The following NRXN3 variants were observed in gnomAD, a reference collection of about 807,000 sequenced individuals.
NRXN3 encodes the protein neurexin III.
NRXN3 carries 32 observed loss-of-function variants against 137.6 expected under a neutral mutation model. The ratio of observed to expected loss-of-function variants is 0.23; its 90% CI spans 0.18 to 0.31. NRXN3 has a LOEUF of 0.31. NRXN3 is among the 10% of genes least tolerant of loss of function. The probability of loss-of-function intolerance (pLI) is 1.00; values close to 1 mark genes in which losing one functional copy is unlikely to be tolerated. For missense variants in NRXN3, 1,574 were observed against 2,062.5 expected (o/e 0.76, Z 4.59); for synonymous variants, 798 against 784.5 (o/e 1.02, Z -0.29).
At chr14:78,340,047 G>A (rs186913872) in intron 4 of NRXN3, among the ~76,000 whole-genome samples, 1 of 152,302 alleles carries the variant, frequency 6.6e-6, no homozygotes, top group East Asian at 1.9e-4. Context: ...AAAAAAGAAA[G>A]CTGTTCATGG....
chr14:78,228,331 AT>A (rs1324950056), intron 1 of NRXN3, among the ~76,000 whole-genome samples: 2 of 151,860 alleles, frequency 1.3e-5, no homozygotes, highest in Non-Finnish European at 2.9e-5. Flanking sequence ...TAATTTTGGC[AT>A]TTTTACTAGA....
intron 6 of NRXN3, among the ~76,000 whole-genome samples, chr14:78,705,732 A>G (rs547677587): frequency 6.6e-6 from 1 of 152,354 alleles, no homozygotes; most frequent in Admixed American, 6.5e-5. Context: ...AATAAATAAA[A>G]TGGGACTCAG....
chr14:78,375,467 G>GTCAGTGTTCTGAT (rs564509882), intron 4 of NRXN3, among the ~76,000 whole-genome samples: 54 of 152,266 alleles, frequency 3.5e-4, no homozygotes, highest in Middle Eastern at 3.4e-3. Context: ...TTTCTAGTTT[G>GTCAGTGTTCTGAT]TCAGTGTTCT....
chr14:78,737,135 A>G (rs1053224106), intron 8 of NRXN3, among the ~76,000 whole-genome samples: 2 of 152,124 alleles, frequency 1.3e-5, no homozygotes, highest in African/African-American at 4.8e-5. Context: ...TGTTTCTTTT[A>G]TCTGCTTGTC....
chr14:78,387,280 T>A (rs536446370), intron 4 of NRXN3, among the ~76,000 whole-genome samples: 1 of 152,226 alleles, frequency 6.6e-6, no homozygotes, highest in African/African-American at 2.4e-5. Context: ...CCAAAGTATT[T>A]GATTTTTTTG....
intron 1 of NRXN3, among the ~76,000 whole-genome samples, chr14:78,207,337 T>A (rs926100919): frequency 1.3e-5 from 2 of 152,176 alleles, no homozygotes; most frequent in African/African-American, 2.4e-5. Context: ...CACTCTACCT[T>A]TTCTCTCTGT....
At chr14:79,755,531 G>GGT (rs1568129488) in intron 19 of NRXN3, among the ~76,000 whole-genome samples, 83 of 145,926 alleles carry the variant, frequency 5.7e-4, no homozygotes, top group African/African-American at 2.2e-3. Flanking sequence ...AAATACCGAA[G>GGT]ATTTTTTTTT....
chr14:79,431,942 T>TAA (rs2095763130), intron 15 of NRXN3, among the ~76,000 whole-genome samples: 2 of 152,298 alleles, frequency 1.3e-5, no homozygotes, highest in African/African-American at 4.8e-5. Context: ...AGCTTAATAA[T>TAA]GGTATCCTTG....
At chr14:78,789,103 A>G (rs2098797839) in intron 8 of NRXN3, among the ~76,000 whole-genome samples, 1 of 152,222 alleles carries the variant, frequency 6.6e-6, no homozygotes, top group South Asian at 2.1e-4. Context: ...TGGCAAAAGT[A>G]TCTGGAAGAA....
At chr14:79,488,398 AG>A (rs1291036666) in intron 16 of NRXN3, among the ~76,000 whole-genome samples, 1 of 152,178 alleles carries the variant, frequency 6.6e-6, no homozygotes, top group African/African-American at 2.4e-5. Context: ...TCTTCTTCCA[AG>A]GTAGTAGGGT....
At chr14:79,857,282 C>T (rs559279644) in intron 20 of NRXN3, among the ~76,000 whole-genome samples, 36 of 152,208 alleles carry the variant, frequency 2.4e-4, no homozygotes, top group Non-Finnish European at 3.7e-4. Context: ...AGTGCAGTGG[C>T]GTGATCTCGG....
chr14:79,236,513 G>A (rs977684384), intron 15 of NRXN3, among the ~76,000 whole-genome samples: 3 of 152,060 alleles, frequency 2.0e-5, no homozygotes, highest in African/African-American at 7.2e-5. Context: ...TATCAGCATA[G>A]GTGATAGCAT....
chr14:78,320,479 C>T (rs1172236441), intron 4 of NRXN3, among the ~76,000 whole-genome samples: 1 of 152,136 alleles, frequency 6.6e-6, no homozygotes, highest in African/African-American at 2.4e-5. Context: ...GACATCTCGG[C>T]TTTGAGGAAA....
At chr14:79,448,060 A>G (rs901666501) in intron 15 of NRXN3, among the ~76,000 whole-genome samples, 1 of 152,210 alleles carries the variant, frequency 6.6e-6, no homozygotes, top group Non-Finnish European at 1.5e-5. Context: ...GTGAGGACCT[A>G]TGTAATCTGC....
intron 3 of NRXN3, chr14:78,283,511 A>ATTTTTTT (rs879470516): frequency 7.0e-6 from 1 of 143,710 alleles, no homozygotes. Context: ...TCTGGCTAAC[A>ATTTTTTT]TTTTTTTTTT....
intron 4 of NRXN3, among the ~76,000 whole-genome samples, chr14:78,545,866 ATTACT>A (rs758455479): frequency 2.6e-5 from 4 of 152,158 alleles, no homozygotes; most frequent in Non-Finnish European, 5.9e-5. Context: ...GTTGCTCAAC[ATTACT>A]TTATAAAAAT....
At chr14:79,608,963 C>T (rs957323900) in intron 16 of NRXN3, among the ~76,000 whole-genome samples, 2 of 152,158 alleles carry the variant, frequency 1.3e-5, no homozygotes, top group Admixed American at 6.5e-5. Context: ...AAAGGATCTT[C>T]CTCTCCTCTA....
intron 19 of NRXN3, among the ~76,000 whole-genome samples, chr14:79,785,261 G>C (rs2099126017): frequency 6.6e-6 from 1 of 152,114 alleles, no homozygotes; most frequent in Non-Finnish European, 1.5e-5. Context: ...GTGTACATTT[G>C]ATTTGATTTG....
chr14:79,634,314 A>G (rs986947329), intron 16 of NRXN3, among the ~76,000 whole-genome samples: 2 of 151,572 alleles, frequency 1.3e-5, no homozygotes, highest in Non-Finnish European at 2.9e-5. Context: ...AATGAGGGAG[A>G]GAGAGAGAGA....
Sources: gnomAD v4.1 joint callset for allele counts (sites outside exome capture counted in the v4.1 genomes callset) on GRCh38, gnomAD v4.1.1 for gene constraint, MANE v1.5 for transcripts, NCBI Gene and HGNC (gene_info 2026-07-23, HGNC 2026-07-21) for gene names.